The following NHSL1 variants were observed in gnomAD, a reference collection of about 807,000 sequenced individuals.
The protein encoded by NHSL1 is NHS like 1.
In NHSL1, 48 loss-of-function variants were observed where a neutral mutation model predicts 95.0. The observed-to-expected ratio is 0.51, with a 90% CI of 0.40 to 0.64. The LOEUF (loss-of-function observed/expected upper bound fraction) is 0.64, where lower values mean the gene tolerates loss of function less well. NHSL1 is among the 30% of genes least tolerant of loss of function. The probability of loss-of-function intolerance (pLI) is 0.00; values close to 1 mark genes in which losing one functional copy is unlikely to be tolerated. For synonymous variants in NHSL1, 783 were observed against 833.9 expected, an observed-to-expected ratio of 0.94 and a Z score of 1.05; for missense variants, 1,971 against 2,077.7, an observed-to-expected ratio of 0.95 and a Z score of 1.00.
intron 1 of NHSL1, among the ~76,000 whole-genome samples, chr6:138,643,940 G>T (rs1027647656): frequency 2.6e-5 from 4 of 151,486 alleles, no homozygotes; most frequent in African/African-American, 9.7e-5. Flanking sequence ...GGAGGCTGCT[G>T]TGAGCCCAGA....
rs572635389 is a variant in NHSL1, at chr6:138,684,485, A to G, written c.96+7991T>C. Among the ~76,000 whole-genome samples the G allele has an allele frequency of 2.2e-4, 33 of 152,156 alleles. 1 individual carries two copies. Among genetic ancestry groups the G allele is most frequent in the Non-Finnish European group, 2.8e-4 (19 of 68,010 alleles). On this transcript the variant is annotated intron_variant, in intron 1 of 3. Transcript: ENST00000491526. ...ACATGGCAAAACCCCATCTCTACTA[A>G]AAATACAAAATTAGCTGGGCGTGGT...
In NHSL1 at chr6:138,692,333, G is replaced by T. The variant is rs1785689763; in HGVS notation, c.96+143C>A. On this transcript the variant is annotated intron_variant, in intron 1 of 3. Coordinates refer to the NHSL1 transcript ENST00000491526. The surrounding 1 kb of genome is among the most constrained non-coding windows in gnomAD (Gnocchi z 4.0). ...GCCACCTGCCCAGCCTCCCGCTGGG[G>T]TCCGGCAGTCCCCACTGGAGACCCC... The T allele has an allele frequency of 2.7e-6, 1 of 367,592 alleles. No homozygotes were observed. The highest frequency in any genetic ancestry group is 3.5e-5 in the Admixed American group (1 of 28,600). The allele number at this position is 367,592 out of a possible 1,614,324, so 22.8% of individuals were successfully genotyped here. A position where few individuals can be genotyped will look rare whatever the true frequency, so the allele number is the denominator to read the frequency against.
chr6:138,444,112 A>G (rs1316576500), intron 4 of NHSL1, among the ~76,000 whole-genome samples: 2 of 152,200 alleles, frequency 1.3e-5, no homozygotes, highest in Non-Finnish European at 1.5e-5. Flanking sequence ...CAGTTATTCA[A>G]TAAATATCTG....
intron 1 of NHSL1, among the ~76,000 whole-genome samples, chr6:138,634,276 T>C (rs918953849): frequency 6.6e-6 from 1 of 151,134 alleles, no homozygotes; most frequent in African/African-American, 2.4e-5. Flanking sequence ...GTTGAATGGA[T>C]AAAAAACAAG....
chr6:138,489,046 G>A lies in NHSL1; in HGVS notation c.211+7173C>T, dbSNP rs972730890. On this transcript the variant is annotated intron_variant, in intron 2 of 7. Coordinates refer to ENST00000343505, the MANE Select transcript of NHSL1 (RefSeq NM_001144060.2). ...GATGAAATGAACCTGAGTATTAAGCGTCTGTCACTGTCATCAGAAGGTGTT... is the reference window on the plus strand; with the variant it reads ...GATGAAATGAACCTGAGTATTAAGCATCTGTCACTGTCATCAGAAGGTGTT... Among the ~76,000 whole-genome samples the A allele has an allele frequency of 8.5e-5, 13 of 152,298 alleles. No individual in the cohort carries two copies. In the South Asian group the frequency reaches 1.2e-3, roughly 15 times the overall value.
At chr6:138,545,588 A>G in intron 1 of NHSL1, 1 of 1,269,196 alleles carries the variant, frequency 7.9e-7, no homozygotes, top group South Asian at 1.2e-5. Context: ...CCCAAGTAGA[A>G]CTTTGCCACC....
chr6:138,581,298 C>G (rs1295346027), intron 1 of NHSL1, among the ~76,000 whole-genome samples: 1 of 152,114 alleles, frequency 6.6e-6, no homozygotes, highest in East Asian at 1.9e-4. Flanking sequence ...CTTACCAGTC[C>G]TTTTTTGGTG....
intron 1 of NHSL1, among the ~76,000 whole-genome samples, chr6:138,563,195 G>A (rs1230821357): frequency 1.3e-5 from 2 of 152,136 alleles, no homozygotes; most frequent in African/African-American, 4.8e-5. Context: ...ATGATATCCA[G>A]ACTATGTTTA....
intron 1 of NHSL1, among the ~76,000 whole-genome samples, chr6:138,568,777 C>T (rs902864373): frequency 6.6e-6 from 1 of 151,980 alleles, no homozygotes; most frequent in South Asian, 2.1e-4. Flanking sequence ...AGCTTCTAAT[C>T]GTATAAAAAG....
At chr6:138,439,729 A>G (rs529593713) in intron 5 of NHSL1, among the ~76,000 whole-genome samples, 1 of 152,318 alleles carries the variant, frequency 6.6e-6, no homozygotes, top group Non-Finnish European at 1.5e-5. Context: ...AGGTCATGTC[A>G]TCGACCGTAA....
At chr6:138,452,551 A>T (rs957638954) in intron 3 of NHSL1, among the ~76,000 whole-genome samples, 1 of 152,240 alleles carries the variant, frequency 6.6e-6, no homozygotes, top group African/African-American at 2.4e-5. Context: ...GAACAGATGA[A>T]ACTATATAGA....
chr6:138,534,655 T>C (rs1463964170), intron 1 of NHSL1, among the ~76,000 whole-genome samples: 1 of 152,206 alleles, frequency 6.6e-6, no homozygotes, highest in Admixed American at 6.5e-5. Flanking sequence ...GCCATGGAAA[T>C]CAGTTTTCCA....
intron 1 of NHSL1, among the ~76,000 whole-genome samples, chr6:138,590,942 A>G (rs1284520125): frequency 1.3e-5 from 2 of 152,198 alleles, no homozygotes; most frequent in Non-Finnish European, 1.5e-5. Flanking sequence ...AGAGAGGCAA[A>G]TAGCACAAAT....
chr6:138,492,133 G>C (rs1007164986), intron 2 of NHSL1, among the ~76,000 whole-genome samples: 2 of 152,194 alleles, frequency 1.3e-5, no homozygotes, highest in Admixed American at 1.3e-4. Context: ...ATTCGGATCA[G>C]AGTAGAGCGA....
At chr6:138,557,013 A>C (rs552519654) in intron 1 of NHSL1, among the ~76,000 whole-genome samples, 2 of 152,338 alleles carry the variant, frequency 1.3e-5, no homozygotes, top group Non-Finnish European at 1.5e-5. Context: ...GTTTAAAAGC[A>C]TACTTGCTTA....
intron 1 of NHSL1, among the ~76,000 whole-genome samples, chr6:138,534,770 T>C (rs1782270082): frequency 6.6e-6 from 1 of 152,098 alleles, no homozygotes; most frequent in African/African-American, 2.4e-5. Context: ...TAAAATGAGA[T>C]GGGGTGGAAC....
chr6:138,554,600 G>A (rs1243322521), intron 1 of NHSL1, among the ~76,000 whole-genome samples: 1 of 152,082 alleles, frequency 6.6e-6, no homozygotes, highest in Non-Finnish European at 1.5e-5. Flanking sequence ...TAAGAGCAAG[G>A]TACGCCAAGG....
At chr6:138,482,067 G>A (rs772516939) in intron 2 of NHSL1, among the ~76,000 whole-genome samples, 6 of 152,300 alleles carry the variant, frequency 3.9e-5, no homozygotes, top group Non-Finnish European at 7.3e-5. Flanking sequence ...AAGAAAGAGA[G>A]GGCCAATATG....
intron 1 of NHSL1, among the ~76,000 whole-genome samples, chr6:138,587,537 G>A (rs950923523): frequency 6.8e-6 from 1 of 147,036 alleles, no homozygotes; most frequent in Non-Finnish European, 1.5e-5. Context: ...TTCATGCTCT[G>A]TGTAAAGTAA....
Sources: gnomAD v4.1 joint callset for allele counts (sites outside exome capture counted in the v4.1 genomes callset) on GRCh38, gnomAD v4.1.1 for gene constraint, Gnocchi (gnomAD v3.1) non-coding constraint, MANE v1.5 for transcripts, NCBI Gene and HGNC (gene_info 2026-07-23, HGNC 2026-07-21) for gene names.